ARHGAP21: variants seen among roughly 807,000 people sequenced by gnomAD.
ARHGAP21 encodes Rho GTPase activating protein 21, also known as rho GTPase-activating protein 21.
In ARHGAP21, 38 loss-of-function variants were observed where a neutral mutation model predicts 164.6. The observed-to-expected ratio is 0.23, with a 90% confidence interval of 0.18 to 0.30. ARHGAP21 has a LOEUF of 0.30. ARHGAP21 is among the 10% of genes least tolerant of loss of function. The pLI is 1.00. For synonymous variants in ARHGAP21, 766 were observed against 857.9 expected, an observed-to-expected ratio of 0.89 and a Z score of 1.87; for missense variants, 1,822 against 2,370.7, an observed-to-expected ratio of 0.77 and a Z score of 4.81.
intron 4 of ARHGAP21, among the ~76,000 whole-genome samples, chr10:24,646,739 G>A (rs192380941): frequency 1.3e-5 from 2 of 152,040 alleles, no homozygotes; most frequent in Non-Finnish European, 2.9e-5. Flanking sequence ...GTGAGAACTT[G>A]TCTCTAAAAA....
intron 2 of ARHGAP21, among the ~76,000 whole-genome samples, chr10:24,676,572 C>T (rs1841270637): frequency 1.3e-5 from 2 of 152,148 alleles, no homozygotes; most frequent in African/African-American, 4.8e-5. Flanking sequence ...TGGAAAATTA[C>T]CCGTACAATG....
chr10:24,591,450 A>G, intron 23 of ARHGAP21, 120 bp from the exon 24 acceptor site: 5 of 1,111,478 alleles, frequency 4.5e-6, no homozygotes, highest in Admixed American at 2.1e-5. Flanking sequence ...ATGTGTTTAC[A>G]TTGTTTACGC....
At chr10:24,704,845 A>AG (rs1284761595) in intron 2 of ARHGAP21, among the ~76,000 whole-genome samples, 4 of 152,024 alleles carry the variant, frequency 2.6e-5, no homozygotes, top group Admixed American at 1.3e-4. Context: ...GGCTCAAGTG[A>AG]TCCTCCCAAG....
chr10:24,603,593 T>C (rs1312386736), intron 12 of ARHGAP21, among the ~76,000 whole-genome samples: 3 of 151,854 alleles, frequency 2.0e-5, no homozygotes, highest in Non-Finnish European at 4.4e-5. Context: ...ACCGAGGAAG[T>C]GAGAGGCAAG....
chr10:24,676,867 T>C (rs1476371152), intron 2 of ARHGAP21, among the ~76,000 whole-genome samples: 2 of 152,200 alleles, frequency 1.3e-5, no homozygotes, highest in African/African-American at 4.8e-5. Context: ...GTGGATTAAA[T>C]ATGAAATGTG....
chr10:24,584,945 C>G lies in ARHGAP21; in HGVS notation c.5344G>C (p.Gly1782Arg). The change falls in exon 26 of 26, where the codon GGA (glycine) becomes CGA (arginine). Residue 1782 changes from glycine to arginine, a missense_variant. Physicochemically the swap from Gly to Arg is moderately radical, Grantham distance 125. This residue lies in a region of ARHGAP21 where 117 missense variants were observed against 193.2 expected (regional missense o/e 0.61). Coordinates refer to ENST00000396432, the MANE Select transcript of ARHGAP21 (RefSeq NM_020824.4). ...RPRAPADDMFGVGNHKVNAET... is the reference protein window; with the variant it reads ...RPRAPADDMFRVGNHKVNAET... ...GCATTCACTTTGTGATTCCCTACTC[C>G]AAACATGTCATCCGCAGGGGCTCTG... The G allele has an allele frequency of 6.2e-7, 1 of 1,613,926 alleles. No individual in the cohort carries two copies. The highest frequency in any genetic ancestry group is 8.5e-7 in the Non-Finnish European group (1 of 1,179,862).
chr10:24,621,419 A>G, intron 8 of ARHGAP21, 50 bp from the exon 9 acceptor site: 1 of 1,456,976 alleles, frequency 6.9e-7, no homozygotes, highest in South Asian at 1.4e-5. Flanking sequence ...AAAAAGAATA[A>G]TAATTTCCAT....
At chr10:24,713,643 T>C (rs1458751371) in intron 2 of ARHGAP21, among the ~76,000 whole-genome samples, 1 of 151,612 alleles carries the variant, frequency 6.6e-6, no homozygotes, top group East Asian at 1.9e-4. Context: ...TTTTTCTTTT[T>C]TTTTTTTTTT....
At chr10:24,639,747 T>C (rs73606529) in intron 4 of ARHGAP21, among the ~76,000 whole-genome samples, 4,639 of 152,228 alleles carry the variant, frequency 0.03, 218 homozygotes, top group African/African-American at 0.099. Flanking sequence ...AGAGATTGTG[T>C]CTAAAACCAA....
intron 2 of ARHGAP21, among the ~76,000 whole-genome samples, chr10:24,720,850 G>GA (rs1845853553): frequency 6.6e-6 from 1 of 152,076 alleles, no homozygotes; most frequent in African/African-American, 2.4e-5. Context: ...ACCCTTCAAT[G>GA]AAAACATAGG....
At chr10:24,588,869 T>C (rs1296905478) in intron 25 of ARHGAP21, among the ~76,000 whole-genome samples, 1 of 152,140 alleles carries the variant, frequency 6.6e-6, no homozygotes, top group Non-Finnish European at 1.5e-5. Context: ...GGGATTTGTG[T>C]AAAGATGGTC....
At chr10:24,710,204 T>G (rs962648641) in intron 2 of ARHGAP21, among the ~76,000 whole-genome samples, 1 of 152,152 alleles carries the variant, frequency 6.6e-6, no homozygotes, top group African/African-American at 2.4e-5. Context: ...GATATAAATA[T>G]TCTAGATATA....
intron 3 of ARHGAP21, among the ~76,000 whole-genome samples, chr10:24,668,648 A>ATT (rs879671165): frequency 1.4e-5 from 2 of 146,632 alleles, no homozygotes; most frequent in African/African-American, 5.0e-5. Context: ...AAGTTTGGTG[A>ATT]TTTTTTTTTT....
chr10:24,668,655 T>G (rs1011041266), intron 3 of ARHGAP21, among the ~76,000 whole-genome samples: 1 of 152,188 alleles, frequency 6.6e-6, no homozygotes, highest in Admixed American at 6.5e-5. Context: ...GTGATTTTTT[T>G]TTTTTGACCA....
intron 1 of ARHGAP21, chr10:24,723,335 C>G (rs936909491): frequency 6.6e-6 from 1 of 150,568 alleles, no homozygotes; most frequent in African/African-American, 2.4e-5. Context: ...CCACCGCCGG[C>G]CTTTGTGCCC....
intron 9 of ARHGAP21, among the ~76,000 whole-genome samples, chr10:24,608,176 AGTTT>A (rs1206914307): frequency 6.6e-6 from 1 of 152,190 alleles, no homozygotes; most frequent in Non-Finnish European, 1.5e-5. Context: ...AAGGTACTAA[AGTTT>A]ATAGGTACCT....
intron 4 of ARHGAP21, among the ~76,000 whole-genome samples, chr10:24,651,492 T>G (rs75330691): frequency 0.016 from 2,381 of 152,340 alleles, 62 homozygotes; most frequent in African/African-American, 0.055. Context: ...TGCTTCCATC[T>G]TGATGTCTGC....
intron 6 of ARHGAP21, 85 bp from the exon 7 acceptor site, chr10:24,630,135 T>A (rs1355867124): frequency 1.4e-6 from 1 of 693,996 alleles, no homozygotes; most frequent in Non-Finnish European, 2.3e-6. Flanking sequence ...TCAGAAGTAT[T>A]TTTTAAATTG....
At chr10:24,636,651 T>TTA in intron 4 of ARHGAP21, among the ~76,000 whole-genome samples, 2 of 152,288 alleles carry the variant, frequency 1.3e-5, no homozygotes, top group Admixed American at 1.3e-4. Context: ...GGAAGTTACT[T>TTA]AATAAAGGAA....
Sources: gnomAD v4.1 joint callset for allele counts (sites outside exome capture counted in the v4.1 genomes callset) on GRCh38, gnomAD v4.1.1 for gene constraint, gnomAD v4.1.1 regional missense constraint, MANE v1.5 for transcripts, NCBI Gene and HGNC (gene_info 2026-07-23, HGNC 2026-07-21) for gene names.